GALNTL6: variants seen among roughly 807,000 people sequenced by gnomAD.
GALNTL6 encodes the protein polypeptide N-acetylgalactosaminyltransferase like 6.
Under a neutral mutation model 73.7 loss-of-function variants are expected in GALNTL6, and 46 were observed. That is an observed-to-expected ratio of 0.62 (90% CI 0.49 to 0.80). GALNTL6 has a LOEUF of 0.80. GALNTL6 is among the 30% of genes least tolerant of loss of function. The pLI is 0.00. For missense variants in GALNTL6, 604 were observed against 755.0 expected (o/e 0.80, Z 2.34); for synonymous variants, 259 against 263.7 (o/e 0.98, Z 0.17).
chr4:172,974,731 T>G (rs1048262866), intron 10 of GALNTL6, among the ~76,000 whole-genome samples: 8 of 152,212 alleles, frequency 5.3e-5, no homozygotes, highest in African/African-American at 1.9e-4. Context: ...GCGAGCCAAG[T>G]GCAGACTGGT....
rs531328736 is a variant in GALNTL6 at position 172,546,892 on chromosome 4, T to C, written c.553+198203T>C. On this transcript the variant is annotated intron_variant, in intron 5 of 12. Coordinates refer to ENST00000506823, the MANE Select transcript of GALNTL6 (RefSeq NM_001034845.3). ...AATAATTTTTAAGCGTACAGTTCAG[T>C]GGCATTAAGCACACTCACATTGTTG... Among the ~76,000 whole-genome samples the C allele has an allele frequency of 2.1e-5, 3 of 141,994 alleles. No individual in the cohort carries two copies. In the South Asian group the frequency reaches 6.8e-4, roughly 32 times the overall value. 93.2% of individuals were successfully genotyped at this position (141,994 alleles called of 152,430 possible). A position where few individuals can be genotyped will look rare whatever the true frequency, so the allele number is the denominator to read the frequency against.
chr4:172,379,556 A>ACC (rs1396183762), intron 5 of GALNTL6, among the ~76,000 whole-genome samples: 1 of 143,808 alleles, frequency 7.0e-6, no homozygotes, highest in Non-Finnish European at 1.5e-5. Context: ...AAAAAAAAAA[A>ACC]AGAACGGGTT....
intron 7 of GALNTL6, among the ~76,000 whole-genome samples, chr4:172,818,682 T>C (rs909704605): frequency 4.6e-5 from 7 of 152,176 alleles, no homozygotes; most frequent in Non-Finnish European, 8.8e-5. Context: ...CACTGCAACC[T>C]CTGCCTCCTG....
intron 2 of GALNTL6, among the ~76,000 whole-genome samples, chr4:172,076,250 T>C (rs1298975424): frequency 6.6e-6 from 1 of 152,230 alleles, no homozygotes; most frequent in South Asian, 2.1e-4. Flanking sequence ...ACTTTATTGC[T>C]GCTGGTCCTA....
At chr4:171,923,398 G>GTTT (rs565298275) in intron 2 of GALNTL6, among the ~76,000 whole-genome samples, 2,217 of 124,258 alleles carry the variant, frequency 0.018, 132 homozygotes, top group African/African-American at 0.058. Flanking sequence ...CCCTGACTTT[G>GTTT]TTTTTTTTTT....
intron 2 of GALNTL6, among the ~76,000 whole-genome samples, chr4:171,840,602 C>T (rs1006564264): frequency 6.6e-6 from 1 of 152,254 alleles, no homozygotes; most frequent in East Asian, 1.9e-4. Context: ...ATAGATACTG[C>T]TTAGGAGTGT....
chr4:172,911,484 C>T (rs982232099), intron 8 of GALNTL6, among the ~76,000 whole-genome samples: 3 of 152,180 alleles, frequency 2.0e-5, no homozygotes, highest in East Asian at 1.9e-4. Flanking sequence ...TTCTGTGGCA[C>T]ATCACATGCC....
chr4:172,714,935 A>T (rs530125233), intron 5 of GALNTL6, among the ~76,000 whole-genome samples: 1 of 152,222 alleles, frequency 6.6e-6, no homozygotes, highest in South Asian at 2.1e-4. Flanking sequence ...GACTATTGAG[A>T]TTTCTGATTC....
In GALNTL6 at chr4:172,374,508, C is replaced by T. The variant is rs190724814; in HGVS notation, c.553+25819C>T. Among the ~76,000 whole-genome samples the T allele has an allele frequency of 8.5e-5, 13 of 152,252 alleles. No individual in the cohort carries two copies. The East Asian group carries it at 1.7e-3, about 20-fold the overall frequency. On this transcript the variant is annotated intron_variant, in intron 5 of 12. Coordinates refer to ENST00000506823, the MANE Select transcript of GALNTL6 (RefSeq NM_001034845.3). ...TTTCTTAAGGCCTCCCATAGCTGCT[C>T]GAGGAAAGCAGAAGGACTTTCTTCC...
intron 2 of GALNTL6, among the ~76,000 whole-genome samples, chr4:171,878,857 C>G (rs1394898499): frequency 2.0e-5 from 3 of 152,064 alleles, no homozygotes; most frequent in Non-Finnish European, 4.4e-5. Context: ...ATAGTGAGTT[C>G]TCGTGAGATC....
intron 5 of GALNTL6, among the ~76,000 whole-genome samples, chr4:172,525,373 C>T (rs1270645195): frequency 6.6e-6 from 1 of 152,122 alleles, no homozygotes; most frequent in African/African-American, 2.4e-5. Context: ...CTTATATCGT[C>T]TTTATCTTTT....
At chr4:172,700,934 A>G (rs1247878979) in intron 5 of GALNTL6, among the ~76,000 whole-genome samples, 1 of 152,068 alleles carries the variant, frequency 6.6e-6, no homozygotes, top group African/African-American at 2.4e-5. Context: ...AACCCCGTTT[A>G]TTTCCCATAA....
At chr4:172,300,644 G>C (rs888062124) in intron 3 of GALNTL6, among the ~76,000 whole-genome samples, 15 of 152,116 alleles carry the variant, frequency 9.9e-5, no homozygotes, top group African/African-American at 3.4e-4. Flanking sequence ...TAGTTTGGCA[G>C]GATTTGAAAT....
chr4:172,305,503 A>T (rs1740099220), intron 3 of GALNTL6, among the ~76,000 whole-genome samples: 1 of 152,164 alleles, frequency 6.6e-6, no homozygotes, highest in African/African-American at 2.4e-5. Flanking sequence ...TATATTATAA[A>T]TTTTAGTGTT....
intron 5 of GALNTL6, among the ~76,000 whole-genome samples, chr4:172,585,873 G>A (rs1737390571): frequency 6.6e-6 from 1 of 151,956 alleles, no homozygotes; most frequent in South Asian, 2.1e-4. Context: ...CTTTTCCAAA[G>A]AAGACATTTA....
intron 5 of GALNTL6, among the ~76,000 whole-genome samples, chr4:172,477,189 CAGAGAG>C (rs34999026): frequency 6.8e-6 from 1 of 148,070 alleles, no homozygotes. Context: ...ATGTGTAAAG[CAGAGAG>C]AGAGAGAGAG....
At chr4:172,108,855 T>C (rs556937011) in intron 2 of GALNTL6, among the ~76,000 whole-genome samples, 101 of 151,508 alleles carry the variant, frequency 6.7e-4, no homozygotes, top group Non-Finnish European at 1.2e-3. Flanking sequence ...CTACTAAAAA[T>C]ACAAAAAATT....
chr4:171,953,705 T>A (rs1004212498), intron 2 of GALNTL6, among the ~76,000 whole-genome samples: 1 of 152,034 alleles, frequency 6.6e-6, no homozygotes, highest in African/African-American at 2.4e-5. Flanking sequence ...GCAACATACA[T>A]GGAGGACAAA....
chr4:171,889,690 G>A (rs967625456), intron 2 of GALNTL6, among the ~76,000 whole-genome samples: 10 of 151,906 alleles, frequency 6.6e-5, no homozygotes, highest in Non-Finnish European at 8.8e-5. Context: ...AAAATGAGTC[G>A]CAATGGAGAA....
Sources: allele counts gnomAD v4.1 joint callset (sites outside exome capture counted in the v4.1 genomes callset), GRCh38; gene constraint gnomAD v4.1.1; transcripts MANE v1.5; gene names NCBI Gene and HGNC (gene_info 2026-07-23, HGNC 2026-07-21).